The following SH3PXD2A variants were observed in gnomAD, a reference collection of about 807,000 sequenced individuals.
SH3PXD2A encodes SH3 and PX domain-containing protein 2A.
In SH3PXD2A, 32 loss-of-function variants were observed where a neutral mutation model predicts 115.2. That is an observed-to-expected ratio of 0.28 (90% confidence interval 0.21 to 0.37). SH3PXD2A has a LOEUF of 0.37. SH3PXD2A is among the 10% of genes least tolerant of loss of function. SH3PXD2A has a pLI of 1.00. For synonymous variants in SH3PXD2A, 610 were observed against 629.1 expected (o/e 0.97, Z 0.45); for missense variants, 1,328 against 1,498.7 (o/e 0.89, Z 1.88).
At chr10:103,608,187 C>T (rs2036362445) in intron 13 of SH3PXD2A, among the ~76,000 whole-genome samples, 2 of 85,922 alleles carry the variant, frequency 2.3e-5, no homozygotes, top group South Asian at 4.5e-4. Context: ...AGGACAGAGG[C>T]AGACCCACCA....
At chr10:103,700,669 C>T (rs1014824738) in intron 5 of SH3PXD2A, among the ~76,000 whole-genome samples, 1 of 152,156 alleles carries the variant, frequency 6.6e-6, no homozygotes, top group Non-Finnish European at 1.5e-5. Context: ...TCTTAGAGGG[C>T]AAAATGGGGC....
intron 4 of SH3PXD2A, among the ~76,000 whole-genome samples, chr10:103,729,854 C>G (rs1419598222): frequency 2.0e-5 from 3 of 152,222 alleles, no homozygotes; most frequent in Non-Finnish European, 2.9e-5. Flanking sequence ...CAGTCTCCAG[C>G]TCCTGCCCCT....
chr10:103,779,394 T>A (rs2038911477), intron 2 of SH3PXD2A, among the ~76,000 whole-genome samples: 1 of 152,180 alleles, frequency 6.6e-6, no homozygotes, highest in African/African-American at 2.4e-5. Flanking sequence ...GATACCCCCG[T>A]GTGCCAGCCC....
chr10:103,719,721 C>CTTTTTTTTTTTTTTT (rs11438501), intron 5 of SH3PXD2A, among the ~76,000 whole-genome samples: 2 of 114,718 alleles, frequency 1.7e-5, no homozygotes, highest in Admixed American at 9.7e-5. Context: ...TTTTTTCTTT[C>CTTTTTTTTTTTTTTT]TTTTTTTTTT....
chr10:103,735,846 A>G, intron 3 of SH3PXD2A, 38 bp from the exon 4 acceptor site: 1 of 1,546,944 alleles, frequency 6.5e-7, no homozygotes, highest in Non-Finnish European at 8.9e-7. Context: ...GATTCTGGCT[A>G]AAACTGCTAC....
chr10:103,687,515 C>T (rs1247538858), intron 6 of SH3PXD2A, among the ~76,000 whole-genome samples: 2 of 152,212 alleles, frequency 1.3e-5, no homozygotes, highest in African/African-American at 4.8e-5. Flanking sequence ...TTGAGGCCCA[C>T]ATCCAATCAT....
chr10:103,848,490 G>A (rs1055736436), intron 1 of SH3PXD2A, among the ~76,000 whole-genome samples: 5 of 152,146 alleles, frequency 3.3e-5, no homozygotes, highest in Non-Finnish European at 7.4e-5. Flanking sequence ...GAAAAGGAAG[G>A]TTCCAAGGTG....
At chr10:103,648,808 T>C (rs2134016916) in intron 8 of SH3PXD2A, among the ~76,000 whole-genome samples, 1 of 152,328 alleles carries the variant, frequency 6.6e-6, no homozygotes, top group African/African-American at 2.4e-5. Context: ...CACCCTTTTG[T>C]CAGGGGAGAA....
chr10:103,834,149 G>A (rs1351778492), intron 1 of SH3PXD2A, among the ~76,000 whole-genome samples: 1 of 152,184 alleles, frequency 6.6e-6, no homozygotes, highest in African/African-American at 2.4e-5. Flanking sequence ...TCTGCAAGGT[G>A]GCAAGAGGAA....
intron 1 of SH3PXD2A, among the ~76,000 whole-genome samples, chr10:103,827,566 G>A (rs2039442735): frequency 2.0e-5 from 3 of 152,118 alleles, no homozygotes; most frequent in African/African-American, 7.2e-5. Flanking sequence ...GAATTAAAGA[G>A]GTCATGGACA....
intron 5 of SH3PXD2A, among the ~76,000 whole-genome samples, chr10:103,718,898 C>T (rs2038142855): frequency 6.6e-6 from 1 of 152,064 alleles, no homozygotes; most frequent in African/African-American, 2.4e-5. Context: ...TCCTAACGCC[C>T]AAGGTGATAT....
At chr10:103,662,424 G>T (rs1197202265) in intron 7 of SH3PXD2A, among the ~76,000 whole-genome samples, 1 of 109,924 alleles carries the variant, frequency 9.1e-6, no homozygotes. Flanking sequence ...ACGGAGTCTC[G>T]CTCTGTCGCC....
At chr10:103,759,186 C>G (rs940246942) in intron 3 of SH3PXD2A, among the ~76,000 whole-genome samples, 15 of 152,194 alleles carry the variant, frequency 9.9e-5, no homozygotes, top group African/African-American at 3.4e-4. Flanking sequence ...AACATGCTTG[C>G]AATTCACCCA....
At chr10:103,854,585 A>G (rs1320381302) in intron 1 of SH3PXD2A, among the ~76,000 whole-genome samples, 1 of 152,212 alleles carries the variant, frequency 6.6e-6, no homozygotes, top group African/African-American at 2.4e-5. Context: ...GTTAAGGGTC[A>G]CGTCCAGAGG....
At position 103,622,853 on chromosome 10, in the gene SH3PXD2A, C is replaced by A. The variant is rs184333871; in HGVS notation, c.719-300G>T. The stretch of plus-strand genomic sequence containing the variant: ...ACCTTAGAGAAAAGAGGGTCCCTAG[C>A]TCCAGCCCAGTGCAAGACAGCCCCT... On this transcript the variant is annotated intron_variant, in intron 9 of 14. Transcript: ENST00000369774. 1.2e-3 allele frequency among the ~76,000 whole-genome samples: 188 copies of A among 152,324 alleles called. 2 individuals carry two copies. The highest frequency in any genetic ancestry group is 1.8e-3 in the Non-Finnish European group (121 of 68,032).
chr10:103,607,860 C>T (rs1376628775), intron 13 of SH3PXD2A, among the ~76,000 whole-genome samples: 1 of 152,056 alleles, frequency 6.6e-6, no homozygotes, highest in Non-Finnish European at 1.5e-5. Context: ...ACCCCCAACC[C>T]TGTGCTCTCT....
At chr10:103,825,922 C>A (rs1260378702) in intron 1 of SH3PXD2A, among the ~76,000 whole-genome samples, 1 of 152,118 alleles carries the variant, frequency 6.6e-6, no homozygotes, top group Non-Finnish European at 1.5e-5. Flanking sequence ...CGCCACCACG[C>A]CCGGCTAATT....
chr10:103,832,772 T>G (rs1352642364), intron 1 of SH3PXD2A, among the ~76,000 whole-genome samples: 1 of 152,038 alleles, frequency 6.6e-6, no homozygotes, highest in Non-Finnish European at 1.5e-5. Context: ...GGGAAAGCAT[T>G]AGGAGATATA....
At chr10:103,837,619 G>A (rs1022457189) in intron 1 of SH3PXD2A, among the ~76,000 whole-genome samples, 14 of 152,210 alleles carry the variant, frequency 9.2e-5, no homozygotes, top group Admixed American at 6.5e-4. Flanking sequence ...GGCACTGCAG[G>A]TGAACTCAGG....
Sources: allele counts gnomAD v4.1 joint callset (sites outside exome capture counted in the v4.1 genomes callset), GRCh38; gene constraint gnomAD v4.1.1; transcripts MANE v1.5; gene names NCBI Gene and HGNC (gene_info 2026-07-23, HGNC 2026-07-21).